MAST4: variants seen among roughly 807,000 people sequenced by gnomAD.
MAST4 encodes microtubule-associated serine/threonine-protein kinase 4.
In MAST4, 89 loss-of-function variants were observed where a neutral mutation model predicts 162.7. The ratio of observed to expected loss-of-function variants is 0.55; its 90% CI spans 0.46 to 0.65. The LOEUF is 0.65. Ranked by LOEUF, MAST4 falls within the 30% of genes least tolerant of loss-of-function variation. The probability of loss-of-function intolerance (pLI) is 0.00; values close to 1 mark genes in which losing one functional copy is unlikely to be tolerated. For synonymous variants in MAST4, 1,479 were observed against 1,361.1 expected, an observed-to-expected ratio of 1.09 and a Z score of -1.91; for missense variants, 3,153 against 3,374.0, an observed-to-expected ratio of 0.93 and a Z score of 1.62.
intron 1 of MAST4, among the ~76,000 whole-genome samples, chr5:66,707,149 G>A (rs1423737577): frequency 6.6e-6 from 1 of 152,204 alleles, no homozygotes. Flanking sequence ...AGAGGCTCCT[G>A]ACTTCCAGTC....
intron 4 of MAST4, among the ~76,000 whole-genome samples, chr5:66,909,244 G>A (rs537456200): frequency 2.9e-4 from 44 of 152,086 alleles, no homozygotes; most frequent in Non-Finnish European, 4.7e-4. Context: ...CTAAGGACAC[G>A]AGCTCTCTAT....
chr5:66,670,756 T>TG (rs1747557107), intron 1 of MAST4, among the ~76,000 whole-genome samples: 1 of 72,258 alleles, frequency 1.4e-5, no homozygotes, highest in Admixed American at 1.1e-4. Flanking sequence ...TAAGCATGAT[T>TG]TTTTTTTTTT....
rs532753955 is a variant in MAST4 at position 67,099,869 on chromosome 5, G to A, written c.913-566G>A. Among the ~76,000 whole-genome samples, 101 of 151,932 alleles carry A rather than the reference G, an allele frequency of 6.6e-4. 1 individual carries two copies. Among genetic ancestry groups the A allele is most frequent in the Middle Eastern group, 6.8e-3 (2 of 294 alleles). On this transcript the variant is annotated intron_variant, in intron 7 of 28. Transcript: ENST00000403625. The stretch of plus-strand genomic sequence containing the variant: ...GCCCCCTACTCCCTCCAAAGAAAAG[G>A]AAGAAAGAAAATTCAATTCCAGATT...
At chr5:66,788,612 C>CAAAAAAAAA in intron 2 of MAST4, 58 bp from the exon 3 acceptor site, 1 of 1,283,516 alleles carries the variant, frequency 7.8e-7, no homozygotes, top group Non-Finnish European at 1.1e-6. Context: ...ACCCCCATTG[C>CAAAAAAAAA]AATAAGACTA....
chr5:66,956,475 T>C (rs752035034), intron 4 of MAST4, among the ~76,000 whole-genome samples: 9 of 152,146 alleles, frequency 5.9e-5, no homozygotes, highest in South Asian at 2.1e-4. Context: ...ACGACCGCAG[T>C]TCCCCCTTTA....
At chr5:67,078,127 A>G (rs1046921754) in intron 5 of MAST4, among the ~76,000 whole-genome samples, 1 of 152,124 alleles carries the variant, frequency 6.6e-6, no homozygotes, top group African/African-American at 2.4e-5. Context: ...ATAACTAGAA[A>G]AAAATGTGGA....
intron 27 of MAST4, among the ~76,000 whole-genome samples, chr5:67,161,529 A>G (rs534664945): frequency 2.0e-5 from 3 of 152,360 alleles, no homozygotes; most frequent in East Asian, 1.9e-4. Context: ...ATCATCTTTC[A>G]TAGTAGAAAA....
rs1249050718 is a variant in MAST4, at chr5:66,596,586, C to T, written c.-70C>T. On this transcript the variant is annotated 5_prime_UTR_variant, in exon 1 of 29. Coordinates refer to ENST00000403625, the MANE Select transcript of MAST4 (RefSeq NM_001164664.2). ...TGAGCCTGAGCCCAGGAGCCCGCGT[C>T]TTCCCCGGGAGGCGCTGAGTGCGCG... 3.7e-6 allele frequency: 5 copies of T among 1,355,646 alleles called. No homozygotes were observed. Among genetic ancestry groups the T allele is most frequent in the Non-Finnish European group, 4.7e-6 (5 of 1,057,824 alleles). The allele number at this position is 1,355,646 out of a possible 1,614,324, so 84.0% of individuals were successfully genotyped here.
At chr5:67,139,855 C>A (rs1017342350) in intron 19 of MAST4, among the ~76,000 whole-genome samples, 3 of 152,156 alleles carry the variant, frequency 2.0e-5, no homozygotes, top group African/African-American at 7.2e-5. Context: ...GAAACTGGAC[C>A]CACTGATACC....
At chr5:66,725,873 TTGA>T (rs1751484974) in intron 1 of MAST4, among the ~76,000 whole-genome samples, 1 of 152,216 alleles carries the variant, frequency 6.6e-6, no homozygotes, top group Non-Finnish European at 1.5e-5. Flanking sequence ...ATCTCTGATG[TTGA>T]TGATATTCAC....
At chr5:67,017,605 C>CT (rs34059850) in intron 4 of MAST4, among the ~76,000 whole-genome samples, 31,611 of 134,932 alleles carry the variant, frequency 0.23, 3,995 homozygotes, top group Non-Finnish European at 0.27. Context: ...TTTTTCTTTT[C>CT]TTTTTTTTTT....
intron 3 of MAST4, among the ~76,000 whole-genome samples, chr5:66,796,786 A>G (rs1755672458): frequency 6.6e-6 from 1 of 152,160 alleles, no homozygotes; most frequent in Non-Finnish European, 1.5e-5. Flanking sequence ...CTTGTCCACC[A>G]AGTATGAAGA....
intron 1 of MAST4, among the ~76,000 whole-genome samples, chr5:66,675,814 G>A (rs1335032958): frequency 1.3e-5 from 2 of 152,176 alleles, no homozygotes; most frequent in African/African-American, 2.4e-5. Flanking sequence ...CTGATATTCA[G>A]GACACCAGCT....
chr5:67,083,615 A>G (rs1252245092), intron 5 of MAST4, among the ~76,000 whole-genome samples: 1 of 152,174 alleles, frequency 6.6e-6, no homozygotes, highest in Non-Finnish European at 1.5e-5. Context: ...CCCTTCATGT[A>G]AGATAGAAAA....
chr5:66,660,952 G>C (rs1746868671), intron 1 of MAST4, among the ~76,000 whole-genome samples: 1 of 152,126 alleles, frequency 6.6e-6, no homozygotes, highest in Non-Finnish European at 1.5e-5. Flanking sequence ...TTGCAGTCAG[G>C]CTTTCAATAT....
chr5:66,692,423 T>C (rs1749104677), intron 1 of MAST4, among the ~76,000 whole-genome samples: 1 of 146,800 alleles, frequency 6.8e-6, no homozygotes, highest in Non-Finnish European at 1.5e-5. Flanking sequence ...TTTTTTTTTT[T>C]TTACTTTATT....
intron 1 of MAST4, among the ~76,000 whole-genome samples, chr5:66,751,018 A>AC (rs1295796468): frequency 6.6e-6 from 1 of 151,944 alleles, no homozygotes; most frequent in Non-Finnish European, 1.5e-5. Context: ...ACTGGGAGGC[A>AC]CCCCCCAGCA....
intron 21 of MAST4, among the ~76,000 whole-genome samples, chr5:67,144,388 C>T (rs1158707846): frequency 1.3e-5 from 2 of 151,990 alleles, no homozygotes; most frequent in African/African-American, 2.4e-5. Flanking sequence ...ATTTTGTTTG[C>T]AGATACAAAG....
At chr5:66,631,999 A>G (rs1374887791) in intron 1 of MAST4, among the ~76,000 whole-genome samples, 2 of 152,176 alleles carry the variant, frequency 1.3e-5, no homozygotes, top group East Asian at 1.9e-4. Context: ...GATGCTTGAC[A>G]GTGTTCTATT....
Sources: gnomAD v4.1 joint callset for allele counts (sites outside exome capture counted in the v4.1 genomes callset) on GRCh38, gnomAD v4.1.1 for gene constraint, MANE v1.5 for transcripts, NCBI Gene and HGNC (gene_info 2026-07-23, HGNC 2026-07-21) for gene names.